NUP88: variants seen among roughly 807,000 people sequenced by gnomAD.
The protein encoded by NUP88 is nuclear pore complex protein Nup88.
A neutral mutation model predicts 93.9 loss-of-function variants in NUP88; 57 were observed. That is an observed-to-expected ratio of 0.61 (90% confidence interval 0.49 to 0.76). The LOEUF is 0.76. Among genes scored for constraint, NUP88 ranks in the 30% least tolerant of loss-of-function variants. The pLI, the probability that NUP88 is intolerant of heterozygous loss-of-function variation, is 0.00. For missense variants in NUP88, 911 were observed against 901.0 expected (o/e 1.01, Z -0.14); for synonymous variants, 346 against 336.8 (o/e 1.03, Z -0.30).
Position 5,416,528 on chromosome 17 carries a change from G to T in NUP88, c.452C>A (p.Ser151Ter). 6.2e-7 allele frequency: 1 copy of T among 1,608,042 alleles called. No homozygotes were observed. The highest frequency in any genetic ancestry group is 1.1e-5 in the South Asian group (1 of 89,422). The change falls in exon 2 of 17, where the codon TCA becomes TAA. Residue 151 changes from serine to a stop codon, truncating the protein, a stop_gained. Coordinates refer to ENST00000573584, the MANE Select transcript of NUP88 (RefSeq NM_002532.6). LOFTEE classifies it high-confidence loss of function. ...GKNSEFEGGK[S>*]TVNCSTTPVA... ...TACAACTTACCTACAATTCACTGTT[G>T]ATTTTCCACCTTCAAATTCAGAATT...
intron 7 of NUP88, among the ~76,000 whole-genome samples, chr17:5,400,117 G>A (rs72634032): frequency 0.41 from 55,076 of 135,318 alleles, 12,035 homozygotes; most frequent in East Asian, 0.82. Flanking sequence ...GCTTGATGCA[G>A]GGTTGCCACA....
Position 5,405,060 on chromosome 17 carries a change from G to A in NUP88, c.1041C>T (p.His347=). 2 of 1,613,656 alleles carry A rather than the reference G, an allele frequency of 1.2e-6. No homozygotes were observed. The highest frequency in any genetic ancestry group is 1.3e-5 in the African/African-American group (1 of 75,054). ...AACCACAGCAGCCTGCACTTACCGT[G>A]TGGTCATCTTCTTCTTCCCCTTCTA... is the stretch of plus-strand genomic sequence containing the variant. The part of the protein sequence containing the change: ...VVLEGEEEDD[H]TSEKSWDSRI... The change falls in exon 6 of 17, where the codon CAC becomes CAT. Residue 347 remains histidine (H), a synonymous_variant. Transcript: ENST00000573584.
intron 4 of NUP88, among the ~76,000 whole-genome samples, chr17:5,410,126 T>TGA (rs1367671002): frequency 6.6e-6 from 1 of 152,218 alleles, no homozygotes; most frequent in African/African-American, 2.4e-5. Flanking sequence ...TAAAGTAGAA[T>TGA]GATGTGATTA....
chr17:5,405,375 C>T, intron 5 of NUP88, 132 bp from the exon 6 acceptor site: 1 of 702,144 alleles, frequency 1.4e-6, no homozygotes, highest in Non-Finnish European at 2.3e-6. Context: ...CCCAATACTC[C>T]ATCTTCTCGC....
At chr17:5,407,152 C>G (rs1913547070) in intron 5 of NUP88, among the ~76,000 whole-genome samples, 1 of 152,226 alleles carries the variant, frequency 6.6e-6, no homozygotes, top group South Asian at 2.1e-4. Flanking sequence ...CCTCACCATT[C>G]TGTAACCTAC....
intron 8 of NUP88, among the ~76,000 whole-genome samples, chr17:5,396,282 C>A (rs539819873): frequency 1.3e-5 from 2 of 152,166 alleles, no homozygotes; most frequent in Non-Finnish European, 2.9e-5. Flanking sequence ...CCCACATAAC[C>A]ATTAGCAATC....
rs1912410585 is a variant in NUP88, at chr17:5,391,451, A to G, written c.1484+110T>C. On this transcript the variant is annotated intron_variant, in intron 10 of 16. Transcript: ENST00000573584. ...CTTCCAACCCTCAAGTCAGAAGCCA[A>G]AGTATAAACCACACATGTATAGCTT... The G allele has an allele frequency of 4.4e-5, 35 of 795,448 alleles. No homozygotes were observed. The South Asian group carries it at 5.3e-4, about 12-fold the overall frequency. The allele number at this position is 795,448 out of a possible 1,614,324, so 49.3% of individuals were successfully genotyped here. A position where few individuals can be genotyped will look rare whatever the true frequency, so the allele number is the denominator to read the frequency against.
At chr17:5,392,858 C>T (rs1597316960) in intron 9 of NUP88, among the ~76,000 whole-genome samples, 1 of 151,958 alleles carries the variant, frequency 6.6e-6, no homozygotes, top group Non-Finnish European at 1.5e-5. Flanking sequence ...AGTGCGATCA[C>T]GACTCACTGC....
intron 7 of NUP88, among the ~76,000 whole-genome samples, chr17:5,403,525 G>C (rs1278146943): frequency 6.6e-6 from 1 of 151,994 alleles, no homozygotes; most frequent in Non-Finnish European, 1.5e-5. Flanking sequence ...GCCAGGCATG[G>C]TGGTGGGTAC....
chr17:5,411,580 CAAAA>C (rs56658902), intron 3 of NUP88, among the ~76,000 whole-genome samples: 3 of 110,172 alleles, frequency 2.7e-5, no homozygotes, highest in African/African-American at 1.1e-4. Flanking sequence ...GACTCCATTT[CAAAA>C]AAAAAAAAAA....
intron 7 of NUP88, among the ~76,000 whole-genome samples, chr17:5,402,094 A>T (rs113558419): frequency 2.0e-3 from 305 of 152,154 alleles, no homozygotes; most frequent in African/African-American, 6.8e-3. Flanking sequence ...AGGTGGACAG[A>T]TAAGGAGTTC....
chr17:5,394,155 T>C (rs1405566685), intron 9 of NUP88, among the ~76,000 whole-genome samples: 2 of 152,102 alleles, frequency 1.3e-5, no homozygotes, highest in Non-Finnish European at 2.9e-5. Flanking sequence ...GCTAGGGCGA[T>C]ATGGATGCGG....
intron 10 of NUP88, among the ~76,000 whole-genome samples, chr17:5,389,878 A>G (rs1287556620): frequency 6.6e-6 from 1 of 151,290 alleles, no homozygotes; most frequent in Non-Finnish European, 1.5e-5. Context: ...AAGTATCCAG[A>G]TAATTGGCCT....
intron 7 of NUP88, among the ~76,000 whole-genome samples, chr17:5,403,091 C>A (rs1913266185): frequency 6.6e-6 from 1 of 152,136 alleles, no homozygotes; most frequent in African/African-American, 2.4e-5. Flanking sequence ...ATCTGTTATC[C>A]CAGTACTTCT....
intron 8 of NUP88, 66 bp from the exon 9 acceptor site, chr17:5,395,047 G>T: frequency 2.0e-6 from 2 of 987,272 alleles, no homozygotes; most frequent in East Asian, 2.4e-5. Flanking sequence ...AAATGCTAAT[G>T]ATATTGGGTT....
Position 5,385,184 on chromosome 17 carries a change from T to C in NUP88, c.*1022A>G. The stretch of plus-strand genomic sequence containing the variant: ...CAAACTGAGACTCTTAAGTTTTGTT[T>C]AGCAATGTGTTTCTGGTATGAAACA... On this transcript the variant is annotated 3_prime_UTR_variant, in exon 17 of 17. Transcript: ENST00000573584. 2 of 230,100 alleles carry C rather than the reference T, an allele frequency of 8.7e-6. No individual in the cohort carries two copies. The highest frequency in any genetic ancestry group is 6.2e-5 in the East Asian group (1 of 16,048). The allele number at this position is 230,100 out of a possible 1,614,324, so 14.3% of individuals were successfully genotyped here.
At position 5,388,936 on chromosome 17, in the gene NUP88, A is replaced by C. The variant is rs993755251; in HGVS notation, c.1509T>G (p.Pro503=). 1.2e-6 allele frequency: 2 copies of C among 1,612,090 alleles called. No homozygotes were observed. Among genetic ancestry groups the C allele is most frequent in the African/African-American group, 2.7e-5 (2 of 74,832 alleles). ...CATCTTCTCGAGTACAAAGCAGGGG[A>C]GGAGACGCTGGATGGACTGTACTTC... ...PLLSTVHPAS[P]PLLCTREDVE... Residue 503 remains proline, a synonymous_variant, in exon 11 of 17, where the codon CCT becomes CCG. Transcript: ENST00000573584.
rs762511234 is a variant in NUP88 at position 5,405,143 on chromosome 17, C to T, written c.958G>A (p.Val320Ile). The T allele has an allele frequency of 1.4e-5, 23 of 1,614,034 alleles. No homozygotes were observed. In the Admixed American group the frequency reaches 3.2e-4, roughly 22 times the overall value. ...DACAVLCLPC[V>I]PNILVIATES... ...GTAGCGATCACTAAGATATTGGGGA[C>T]ACAGGGTAAGCAGAGTACAGCACAC... Residue 320 changes from valine to isoleucine, a missense_variant, in exon 6 of 17, where the codon GTC becomes ATC. Coordinates refer to ENST00000573584, the MANE Select transcript of NUP88 (RefSeq NM_002532.6).
chr17:5,393,435 CTTTTTTT>C (rs35265554), intron 9 of NUP88, among the ~76,000 whole-genome samples: 18 of 121,696 alleles, frequency 1.5e-4, no homozygotes, highest in East Asian at 7.2e-4. Context: ...GTTCACTTTT[CTTTTTTT>C]TTTTTTTTTT....
Sources: gnomAD v4.1 joint callset for allele counts (sites outside exome capture counted in the v4.1 genomes callset) on GRCh38, gnomAD v4.1.1 for gene constraint, MANE v1.5 for transcripts, NCBI Gene and HGNC (gene_info 2026-07-23, HGNC 2026-07-21) for gene names.